ATP6V1C2: variants seen among roughly 807,000 people sequenced by gnomAD.
The protein encoded by ATP6V1C2 is V-type proton ATPase subunit C 2.
In ATP6V1C2, 45 loss-of-function variants were observed where a neutral mutation model predicts 56.8. The ratio of observed to expected loss-of-function variants is 0.79; its 90% CI spans 0.62 to 1.02. ATP6V1C2 has a LOEUF of 1.02. Among genes scored for constraint, ATP6V1C2 ranks in the 50% least tolerant of loss-of-function variants. The pLI is 0.00. For synonymous variants in ATP6V1C2, 220 were observed against 201.3 expected (o/e 1.09, Z -0.79); for missense variants, 463 against 519.7 (o/e 0.89, Z 1.06).
chr2:10,753,327 A>G lies in ATP6V1C2; in HGVS notation c.198-654A>G, dbSNP rs192166866. Reference sequence around the variant, plus strand: ...GGAATTCTTTGAAGCTTTATATTCAATGGCTCTCTAATAATCCCTCAGCTG... The same window carrying G: ...GGAATTCTTTGAAGCTTTATATTCAGTGGCTCTCTAATAATCCCTCAGCTG... On this transcript the variant is annotated intron_variant, in intron 3 of 13. Coordinates refer to ENST00000272238, the MANE Select transcript of ATP6V1C2 (RefSeq NM_001039362.2). Among the ~76,000 whole-genome samples, 103 of 152,282 alleles carry G rather than the reference A, an allele frequency of 6.8e-4. 1 individual carries two copies. The highest frequency in any genetic ancestry group is 2.0e-3 in the African/African-American group (82 of 41,570).
chr2:10,755,870 T>C (rs1663525358), intron 4 of ATP6V1C2, among the ~76,000 whole-genome samples: 1 of 152,228 alleles, frequency 6.6e-6, no homozygotes, highest in Non-Finnish European at 1.5e-5. Context: ...TCTGCCTCGT[T>C]CGTGCTGATG....
At chr2:10,730,757 A>G (rs1189195652) in intron 3 of ATP6V1C2, among the ~76,000 whole-genome samples, 2 of 150,280 alleles carry the variant, frequency 1.3e-5, no homozygotes, top group Non-Finnish European at 3.0e-5. Context: ...GGTTAAAGCG[A>G]TTCTCCTGCC....
Position 10,782,163 on chromosome 2 carries a change from T to C in ATP6V1C2, c.1062-80T>C, listed in dbSNP as rs890571957. On this transcript the variant is annotated intron_variant, in intron 12 of 13. Coordinates refer to ENST00000272238, the MANE Select transcript of ATP6V1C2 (RefSeq NM_001039362.2). ...TGGTTGAAGCTTTTCACCCTCGGAA[T>C]GTACTGTTTCTGGTCAGGTTCCTTC... 18 of 1,527,624 alleles carry C rather than the reference T, an allele frequency of 1.2e-5. No individual in the cohort carries two copies. In the African/African-American group the frequency reaches 1.7e-4, roughly 14 times the overall value. 94.6% of individuals were successfully genotyped at this position (1,527,624 alleles called of 1,614,324 possible). A position where few individuals can be genotyped will look rare whatever the true frequency, so the allele number is the denominator to read the frequency against.
intron 3 of ATP6V1C2, among the ~76,000 whole-genome samples, chr2:10,737,169 C>G (rs1296309251): frequency 6.6e-6 from 1 of 150,752 alleles, no homozygotes; most frequent in Non-Finnish European, 1.5e-5. Context: ...AATTCCAGCA[C>G]TTTGGGAGGC....
Position 10,784,106 on chromosome 2 carries a change from G to T in ATP6V1C2, c.*843G>T. 1 of 485,128 alleles carries T rather than the reference G, an allele frequency of 2.1e-6. No homozygotes were observed. 30.1% of individuals were successfully genotyped at this position (485,128 alleles called of 1,614,324 possible). ...TTTTCTTGAGATGCAAAAGTTCACT[G>T]TTGCAGTGTTTTCAAATGACCAATC... On this transcript the variant is annotated 3_prime_UTR_variant, in exon 14 of 14. Transcript: ENST00000272238.
chr2:10,757,806 C>T (rs980594891), intron 4 of ATP6V1C2, among the ~76,000 whole-genome samples: 2 of 152,182 alleles, frequency 1.3e-5, no homozygotes, highest in Non-Finnish European at 2.9e-5. Flanking sequence ...CTCTTTGAGC[C>T]CGTCTGTTTT....
chr2:10,772,609 A>G lies in ATP6V1C2; in HGVS notation c.637A>G (p.Lys213Glu), dbSNP rs1356903878. The change falls in exon 8 of 14, where the codon AAA becomes GAA. Residue 213 changes from lysine to glutamate, a missense_variant and splice_region_variant. By Grantham distance (56) the Lys-to-Glu change is moderately conservative. Transcript: ENST00000272238. Reference protein sequence around the residue: ...LSDMVVPRSTKLITEDKEGGL... With the variant: ...LSDMVVPRSTELITEDKEGGL... ...AGACATGGTGGTCCCTCGATCAACC[A>G]AGTAAGTGAGACCCCAGCTTGGTCC... 1 of 1,613,648 alleles carries G rather than the reference A, an allele frequency of 6.2e-7. No individual in the cohort carries two copies. Among genetic ancestry groups the G allele is most frequent in the Middle Eastern group, 1.6e-4 (1 of 6,062 alleles).
At chr2:10,765,621 C>CCTGCTGGG (rs1664173740) in intron 5 of ATP6V1C2, among the ~76,000 whole-genome samples, 3 of 152,232 alleles carry the variant, frequency 2.0e-5, no homozygotes, top group African/African-American at 2.4e-5. Context: ...CAGAGAGGCT[C>CCTGCTGGG]AGGCCCCTGC....
chr2:10,745,177 G>C (rs557740536), intron 3 of ATP6V1C2, among the ~76,000 whole-genome samples: 86 of 143,262 alleles, frequency 6.0e-4, no homozygotes, highest in African/African-American at 2.1e-3. Context: ...CCGAGTATCT[G>C]GATGCCTGCC....
rs1052196548 is a variant in ATP6V1C2 at position 10,722,947 on chromosome 2, A to G, written c.98A>G (p.Tyr33Cys). The change falls in exon 2 of 14, where the codon TAT becomes TGT. Residue 33 changes from tyrosine (Y) to cysteine (C), a missense_variant. By Grantham distance (194) the Tyr-to-Cys change is radical. Transcript: ENST00000272238. ...GTAACCTCCAAGTCCAACCTGTCTT[A>G]TAATACCAAATTCGCTATTCCTGAC... ...NTVTSKSNLS[Y>C]NTKFAIPDFK... 6.2e-6 allele frequency: 10 copies of G among 1,614,056 alleles called. No individual in the cohort carries two copies. In the South Asian group the frequency reaches 8.8e-5, roughly 14 times the overall value.
At chr2:10,726,356 T>A in intron 2 of ATP6V1C2, 146 bp from the exon 3 acceptor site, 1 of 676,984 alleles carries the variant, frequency 1.5e-6, no homozygotes, top group South Asian at 1.7e-5. Context: ...TGGTTTCCAT[T>A]AAGAGTTTTT....
rs1304240406 is a variant in ATP6V1C2, at chr2:10,784,904, G to GCCCGCACAGCTT, written c.*1645_*1656dup. 5 of 1,454,650 alleles carry GCCCGCACAGCTT rather than the reference G, an allele frequency of 3.4e-6. No individual in the cohort carries two copies. In the African/African-American group the frequency reaches 5.6e-5, roughly 16 times the overall value. 90.1% of individuals were successfully genotyped at this position (1,454,650 alleles called of 1,614,324 possible). On this transcript the variant is annotated 3_prime_UTR_variant, in exon 14 of 14. Coordinates refer to ENST00000272238, the MANE Select transcript of ATP6V1C2 (RefSeq NM_001039362.2). ...CTCAAGAGAGTAAACCAGGACTGCT[G>GCCCGCACAGCTT]CCCGCACAGCTTCCCTCCCGGGCAC...
intron 6 of ATP6V1C2, among the ~76,000 whole-genome samples, chr2:10,771,407 A>G (rs1341343182): frequency 6.6e-6 from 1 of 152,190 alleles, no homozygotes; most frequent in Non-Finnish European, 1.5e-5. Context: ...GTAAAGTGAC[A>G]CGGAGCTCTA....
chr2:10,760,102 G>A (rs998629734), intron 4 of ATP6V1C2, among the ~76,000 whole-genome samples: 9 of 150,326 alleles, frequency 6.0e-5, no homozygotes, highest in East Asian at 1.9e-4. Context: ...GGCTGGTCAC[G>A]GTGGCTCATG....
At chr2:10,758,174 AAGGCTGACTTC>A (rs1290683984) in intron 4 of ATP6V1C2, among the ~76,000 whole-genome samples, 1 of 152,198 alleles carries the variant, frequency 6.6e-6, no homozygotes, top group African/African-American at 2.4e-5. Flanking sequence ...CCGGGACTGC[AAGGCTGACTTC>A]AGGTAGAGAA....
At chr2:10,765,287 CTT>C (rs2148482182) in intron 5 of ATP6V1C2, among the ~76,000 whole-genome samples, 1 of 152,326 alleles carries the variant, frequency 6.6e-6, no homozygotes, top group Non-Finnish European at 1.5e-5. Flanking sequence ...AGCTGGGTGA[CTT>C]CTCTGTATCA....
chr2:10,775,628 G>A (rs1166510160), intron 10 of ATP6V1C2, among the ~76,000 whole-genome samples: 2 of 152,170 alleles, frequency 1.3e-5, no homozygotes, highest in Non-Finnish European at 2.9e-5. Context: ...AACCCTTCAC[G>A]GAGGAGGACA....
intron 3 of ATP6V1C2, among the ~76,000 whole-genome samples, chr2:10,735,585 CTT>C (rs112678143): frequency 7.0e-5 from 10 of 141,936 alleles, no homozygotes; most frequent in African/African-American, 2.1e-4. Flanking sequence ...ATCTCCTGGT[CTT>C]TTTTTTTTTT....
chr2:10,738,112 C>T (rs1370956751), intron 3 of ATP6V1C2, among the ~76,000 whole-genome samples: 3 of 152,198 alleles, frequency 2.0e-5, no homozygotes, highest in African/African-American at 7.2e-5. Flanking sequence ...ATTTTGGTAA[C>T]TGCCATGGAT....
Sources: allele counts gnomAD v4.1 joint callset (sites outside exome capture counted in the v4.1 genomes callset), GRCh38; gene constraint gnomAD v4.1.1; transcripts MANE v1.5; gene names NCBI Gene and HGNC (gene_info 2026-07-23, HGNC 2026-07-21).